The following RASAL2 variants were observed in gnomAD, a reference collection of about 807,000 sequenced individuals.
The protein encoded by RASAL2 is ras GTPase-activating protein nGAP.
RASAL2 carries 58 observed loss-of-function variants against 128.9 expected under a neutral mutation model. The observed-to-expected ratio is 0.45, with a 90% CI of 0.36 to 0.56. The LOEUF is 0.56. RASAL2 is among the 20% of genes least tolerant of loss of function. The pLI is 0.00. For missense variants in RASAL2, 1,360 were observed against 1,601.6 expected, an observed-to-expected ratio of 0.85 and a Z score of 2.57; for synonymous variants, 561 against 580.8, an observed-to-expected ratio of 0.97 and a Z score of 0.49.
intron 1 of RASAL2, among the ~76,000 whole-genome samples, chr1:178,101,447 A>G (rs78384323): frequency 0.026 from 4,019 of 152,214 alleles, 160 homozygotes; most frequent in African/African-American, 0.088. Flanking sequence ...CTCGAGTTCC[A>G]TTCACATTGT....
At chr1:178,131,948 CTGTTT>C (rs1271437264) in intron 1 of RASAL2, among the ~76,000 whole-genome samples, 2 of 152,142 alleles carry the variant, frequency 1.3e-5, no homozygotes, top group Non-Finnish European at 2.9e-5. Flanking sequence ...TTAGGCTATT[CTGTTT>C]TGAGTCTTTG....
intron 1 of RASAL2, among the ~76,000 whole-genome samples, chr1:178,233,670 C>T (rs975646316): frequency 1.2e-4 from 19 of 152,172 alleles, no homozygotes; most frequent in African/African-American, 4.1e-4. Context: ...GGTCAACAGC[C>T]GATCACTTCG....
chr1:178,131,416 C>T (rs1224367013), intron 1 of RASAL2, among the ~76,000 whole-genome samples: 3 of 104,816 alleles, frequency 2.9e-5, no homozygotes, highest in East Asian at 5.6e-4. Context: ...AGACAGGGTA[C>T]GTATTTGTTG....
chr1:178,127,411 C>T (rs1659940151), intron 1 of RASAL2, among the ~76,000 whole-genome samples: 1 of 152,024 alleles, frequency 6.6e-6, no homozygotes, highest in African/African-American at 2.4e-5. Flanking sequence ...CTCTTTTTTC[C>T]TGTGAAAATA....
chr1:178,256,706 C>T (rs1345687128), intron 1 of RASAL2, among the ~76,000 whole-genome samples: 1 of 152,160 alleles, frequency 6.6e-6, no homozygotes, highest in African/African-American at 2.4e-5. Context: ...CAGAGTCTTG[C>T]TCTGTCGCCC....
intron 1 of RASAL2, among the ~76,000 whole-genome samples, chr1:178,134,407 G>A (rs182842558): frequency 2.8e-4 from 42 of 149,930 alleles, no homozygotes; most frequent in African/African-American, 9.4e-4. Flanking sequence ...GTAGTGAGCC[G>A]TGATCGTGGC....
At chr1:178,102,055 A>G (rs1241474457) in intron 1 of RASAL2, among the ~76,000 whole-genome samples, 1 of 151,774 alleles carries the variant, frequency 6.6e-6, no homozygotes, top group Non-Finnish European at 1.5e-5. Flanking sequence ...TAAGCTTATT[A>G]TGCATACTTT....
chr1:178,352,185 A>G (rs1382832066), intron 3 of RASAL2, among the ~76,000 whole-genome samples: 1 of 152,224 alleles, frequency 6.6e-6, no homozygotes, highest in Non-Finnish European at 1.5e-5. Flanking sequence ...TTGTAAGTGG[A>G]AATACCACTA....
chr1:178,463,201 A>G (rs1647286957), intron 14 of RASAL2, among the ~76,000 whole-genome samples: 2 of 152,036 alleles, frequency 1.3e-5, no homozygotes, highest in South Asian at 4.1e-4. Flanking sequence ...AAATCCCTCT[A>G]TTTAATTATA....
Position 178,473,524 on chromosome 1 carries a change from C to T in RASAL2, c.*285C>T. Reference sequence around the variant, plus strand: ...AAAAGGAAGTTAATAATGTAGATTACCTTTTTGATTATTGCTATTTTTATT... The same window carrying T: ...AAAAGGAAGTTAATAATGTAGATTATCTTTTTGATTATTGCTATTTTTATT... On this transcript the variant is annotated 3_prime_UTR_variant, in exon 18 of 18. Transcript: ENST00000367649. 1 of 414,870 alleles carries T rather than the reference C, an allele frequency of 2.4e-6. No homozygotes were observed. Among genetic ancestry groups the T allele is most frequent in the East Asian group, 4.8e-5 (1 of 20,774 alleles). The allele number at this position is 414,870 out of a possible 1,614,324, so 25.7% of individuals were successfully genotyped here.
chr1:178,301,355 T>A (rs1043887375), intron 3 of RASAL2, among the ~76,000 whole-genome samples: 1 of 152,192 alleles, frequency 6.6e-6, no homozygotes, highest in Admixed American at 6.5e-5. Context: ...CCAAGTTCTA[T>A]GTAAATTGAA....
chr1:178,110,599 CTG>C (rs1558058318), intron 1 of RASAL2, among the ~76,000 whole-genome samples: 1 of 141,152 alleles, frequency 7.1e-6, no homozygotes, highest in South Asian at 2.2e-4. Context: ...GCTATATATA[CTG>C]TATATATACA....
chr1:178,365,429 CTGTTATGTTATGTTATGTTA>C lies in RASAL2; in HGVS notation c.458-24629_458-24610del, dbSNP rs71567192. Among the ~76,000 whole-genome samples the C allele has an allele frequency of 8.7e-4, 123 of 141,604 alleles. 2 individuals are homozygous for C. Among genetic ancestry groups the C allele is most frequent in the African/African-American group, 1.6e-3 (59 of 37,606 alleles). The allele number at this position is 141,604 out of a possible 152,430, so 92.9% of individuals were successfully genotyped here. On this transcript the variant is annotated intron_variant, in intron 3 of 17. Transcript: ENST00000367649. Reference sequence around the variant, plus strand: ...ATCATGGTATCTATCCTCTAGTTGCCTGTTATGTTATGTTATGTTATGTTATGTTATGTTATGTTATGTTA... The same window carrying C: ...ATCATGGTATCTATCCTCTAGTTGCCTGTTATGTTATGTTATGTTATGTTA...
chr1:178,109,947 G>T (rs1362031030), intron 1 of RASAL2, among the ~76,000 whole-genome samples: 1 of 152,166 alleles, frequency 6.6e-6, no homozygotes, highest in African/African-American at 2.4e-5. Flanking sequence ...AAACCCAGGA[G>T]TTCAAGTCTA....
chr1:178,109,955 C>G (rs989576346), intron 1 of RASAL2, among the ~76,000 whole-genome samples: 9 of 152,122 alleles, frequency 5.9e-5, no homozygotes, highest in South Asian at 2.1e-4. Context: ...GAGTTCAAGT[C>G]TACAGTGAAC....
intron 1 of RASAL2, among the ~76,000 whole-genome samples, chr1:178,253,481 T>C (rs1236250492): frequency 6.6e-6 from 1 of 152,170 alleles, no homozygotes; most frequent in Admixed American, 6.5e-5. Context: ...ATTGTCTGTA[T>C]GTAGTTTCAC....
intron 1 of RASAL2, among the ~76,000 whole-genome samples, chr1:178,213,428 A>G (rs771863517): frequency 3.3e-5 from 5 of 152,184 alleles, no homozygotes; most frequent in Non-Finnish European, 7.4e-5. Context: ...GAGTGTAGAC[A>G]TCTACCAAAA....
chr1:178,351,995 A>G (rs911906145), intron 3 of RASAL2, among the ~76,000 whole-genome samples: 1 of 152,214 alleles, frequency 6.6e-6, no homozygotes, highest in Non-Finnish European at 1.5e-5. Context: ...TCTTGGAGTT[A>G]TTTCTAAATA....
At chr1:178,308,530 A>G (rs889699447) in intron 3 of RASAL2, among the ~76,000 whole-genome samples, 1 of 151,540 alleles carries the variant, frequency 6.6e-6, no homozygotes, top group African/African-American at 2.4e-5. Flanking sequence ...TTGATTATTC[A>G]AACATTAGCT....
Sources: allele counts gnomAD v4.1 joint callset (sites outside exome capture counted in the v4.1 genomes callset), GRCh38; gene constraint gnomAD v4.1.1; transcripts MANE v1.5; gene names NCBI Gene and HGNC (gene_info 2026-07-23, HGNC 2026-07-21).